Variants in KRT74 observed in about 807,000 individuals in gnomAD.
The protein encoded by KRT74 is keratin, type II cytoskeletal 74.
KRT74 carries 43 observed loss-of-function variants against 42.7 expected under a neutral mutation model. The ratio of observed to expected loss-of-function variants is 1.01; its 90% confidence interval spans 0.79 to 1.30. The LOEUF is 1.30. Ranked by LOEUF, KRT74 falls within the 50% of genes most tolerant of loss-of-function variation. The pLI, the probability that KRT74 is intolerant of heterozygous loss-of-function variation, is 0.00. For missense variants in KRT74, 736 were observed against 689.1 expected (o/e 1.07, Z -0.76); for synonymous variants, 302 against 279.0 (o/e 1.08, Z -0.82).
chr12:52,573,183 G>A (rs2120656296), intron 1 of KRT74, 124 bp downstream of exon 1: 1 of 921,148 alleles, frequency 1.1e-6, no homozygotes, highest in Non-Finnish European at 1.8e-6. Context: ...TTCCCTAATG[G>A]TGAGGAAGCC....
rs766704206 is a variant in KRT74, at chr12:52,573,576, C to T, written c.202G>A (p.Val68Ile). The T allele has an allele frequency of 4.4e-5, 71 of 1,613,972 alleles. No homozygotes were observed. The highest frequency in any genetic ancestry group is 5.1e-5 in the Non-Finnish European group (60 of 1,180,050). ...RISFNVAGGG[V>I]RAGGYGFRPG... Reference sequence around the variant, plus strand: ...CTGAAGCCGTAACCTCCAGCCCGAACGCCGCCACCAGCCACATTGAAAGAA... The same window carrying T: ...CTGAAGCCGTAACCTCCAGCCCGAATGCCGCCACCAGCCACATTGAAAGAA... The change falls in exon 1 of 9, where the codon GTT (valine) becomes ATT (isoleucine). Residue 68 changes from valine (V) to isoleucine (I), a missense_variant. By Grantham distance (29) the Val-to-Ile change is conservative. Transcript: ENST00000305620.
intron 1 of KRT74, 29 bp downstream of exon 1, chr12:52,573,278 C>A: frequency 6.3e-7 from 1 of 1,589,370 alleles, no homozygotes; most frequent in Non-Finnish European, 8.6e-7. Context: ...CCTCAGGGTG[C>A]GGCCTCATCC....
chr12:52,565,862 G>A lies in KRT74; in HGVS notation c.*1107C>T, dbSNP rs1268564700. 6.6e-6 allele frequency: 1 copy of A among 152,200 alleles called. No individual in the cohort carries two copies. Among genetic ancestry groups the A allele is most frequent in the Non-Finnish European group, 1.5e-5 (1 of 68,044 alleles). 9.4% of individuals were successfully genotyped at this position (152,200 alleles called of 1,614,324 possible). A position where few individuals can be genotyped will look rare whatever the true frequency, so the allele number is the denominator to read the frequency against. ...TTTAATTCAAACAAAAGAGGAAATA[G>A]ATGCTGCCATTCTTAGGAATATTTA... On this transcript the variant is annotated 3_prime_UTR_variant, in exon 9 of 9. Transcript: ENST00000305620.
At chr12:52,571,801 G>A (rs751669322) in intron 3 of KRT74, 143 bp downstream of exon 3, 2 of 765,268 alleles carry the variant, frequency 2.6e-6, no homozygotes, top group South Asian at 1.4e-5. Flanking sequence ...CTGGAGGCCA[G>A]GACTATGACT....
Position 52,571,944 on chromosome 12 carries a change from C to A in KRT74, c.747G>T (p.Lys249Asn), listed in dbSNP as rs781081640. 3.2e-6 allele frequency: 5 copies of A among 1,571,158 alleles called. No individual in the cohort carries two copies. The Admixed American group carries it at 8.3e-5, about 26-fold the overall frequency. Reference protein sequence around the residue: ...TAENEFVVLKKDADAAYAVKV... With the variant: ...TAENEFVVLKNDADAAYAVKV... ...ATAAGGAGGCTCCTCCCTCTCTTAC[C>A]TTCTTAAGCACCACAAACTCATTCT... is the stretch of plus-strand genomic sequence containing the variant. Residue 249 changes from lysine (K) to asparagine (N), a missense_variant and splice_region_variant, in exon 3 of 9, where the codon AAG becomes AAT. By Grantham distance (94) the Lys-to-Asn change is moderately conservative. Transcript: ENST00000305620.
chr12:52,567,801 C>A, intron 7 of KRT74, 108 bp from the exon 8 acceptor site: 3 of 842,554 alleles, frequency 3.6e-6, no homozygotes, highest in African/African-American at 1.7e-5. Flanking sequence ...ATCCTTATAA[C>A]AACTTACGAA....
chr12:52,569,682 G>A (rs532178786), intron 6 of KRT74, among the ~76,000 whole-genome samples, 177 bp downstream of exon 6: 5 of 152,330 alleles, frequency 3.3e-5, no homozygotes, highest in South Asian at 4.1e-4. Context: ...AGTTCTGGGC[G>A]GGGTACCAGC....
intron 6 of KRT74, among the ~76,000 whole-genome samples, chr12:52,568,956 T>G (rs751434617): frequency 5.3e-5 from 8 of 152,206 alleles, no homozygotes; most frequent in Non-Finnish European, 8.8e-5. Flanking sequence ...TGGACTCTGA[T>G]GAACATCTGG....
chr12:52,573,308 T>C lies in KRT74; in HGVS notation c.470A>G (p.Lys157Arg). 6.2e-7 allele frequency: 1 copy of C among 1,614,054 alleles called. No individual in the cohort carries two copies. The change falls in exon 1 of 9, where the codon AAG (lysine) becomes AGG (arginine). Residue 157 changes from lysine (K) to arginine (R), a missense_variant and splice_region_variant. Coordinates refer to ENST00000305620, the MANE Select transcript of KRT74 (RefSeq NM_175053.4). Reference sequence around the variant, plus strand: ...TCATCCTCCTCCTATGAGACCCACCTTGTCAATGAAGGAGGCGAACTTGTC... The same window carrying C: ...TCATCCTCCTCCTATGAGACCCACCCTGTCAATGAAGGAGGCGAACTTGTC... ...LNDKFASFID[K>R]VRFLEQQNQV...
chr12:52,567,603 C>A, intron 8 of KRT74, 56 bp downstream of exon 8: 1 of 1,325,514 alleles, frequency 7.5e-7, no homozygotes. Context: ...GGTGACATCA[C>A]TTTGTCCCAG....
Position 52,570,711 on chromosome 12 carries a change from G to A in KRT74, c.966C>T (p.Ala322=), listed in dbSNP as rs750644068. 6 of 1,614,248 alleles carry A rather than the reference G, an allele frequency of 3.7e-6. No homozygotes were observed. The highest frequency in any genetic ancestry group is 1.3e-5 in the African/African-American group (1 of 75,080). ...CCTCGGCCTCGGCCTTGCTCTTCAG[G>A]GCGATCTCCTCATAATGCATGCGGA... ...AEVRMHYEEI[A]LKSKAEAEAL... Residue 322 remains alanine (A), a synonymous_variant, in exon 5 of 9, where the codon GCC becomes GCT. Coordinates refer to ENST00000305620, the MANE Select transcript of KRT74 (RefSeq NM_175053.4).
chr12:52,572,981 C>G (rs1010140141), intron 1 of KRT74, among the ~76,000 whole-genome samples: 6 of 152,168 alleles, frequency 3.9e-5, no homozygotes, highest in African/African-American at 9.7e-5. Flanking sequence ...GAGCCCTTCC[C>G]TCTGAACACT....
intron 8 of KRT74, among the ~76,000 whole-genome samples, 195 bp from the exon 9 acceptor site, chr12:52,567,363 C>A (rs1434084698): frequency 1.3e-5 from 2 of 152,098 alleles, no homozygotes; most frequent in Non-Finnish European, 2.9e-5. Flanking sequence ...GAGGTGAAGA[C>A]CCCATCAGAT....
At chr12:52,572,118 A>G in intron 2 of KRT74, 114 bp from the exon 3 acceptor site, 1 of 831,766 alleles carries the variant, frequency 1.2e-6, no homozygotes, top group Non-Finnish European at 2.1e-6. Context: ...TGGGGTGAGC[A>G]GTAAGAGGCT....
chr12:52,570,828 G>A lies in KRT74; in HGVS notation c.849C>T (p.Ile283=), dbSNP rs556767276. The A allele has an allele frequency of 1.1e-5, 17 of 1,614,224 alleles. No homozygotes were observed. The African/African-American group carries it at 1.2e-4, about 11-fold the overall frequency. The part of the protein sequence containing the change: ...KFLKCLYDAE[I]AQIQTHASET... ...CACTGGCGTGAGTCTGGATCTGAGC[G>A]ATCTCCTGCATTGAGAGAGGAAGAC... Residue 283 remains isoleucine (I), a synonymous_variant, in exon 5 of 9, where the codon ATC becomes ATT. Coordinates refer to ENST00000305620, the MANE Select transcript of KRT74 (RefSeq NM_175053.4).
intron 4 of KRT74, 130 bp from the exon 5 acceptor site, chr12:52,570,963 G>A: frequency 1.1e-5 from 12 of 1,052,026 alleles, no homozygotes; most frequent in Non-Finnish European, 1.7e-5. Context: ...GGGGGAAGAA[G>A]TGCCCTCTGG....
Position 52,570,732 on chromosome 12 carries a change from G to A in KRT74, c.945C>T (p.Arg315=), listed in dbSNP as rs1939465140. 6.2e-7 allele frequency: 1 copy of A among 1,614,218 alleles called. No individual in the cohort carries two copies. Among genetic ancestry groups the A allele is most frequent in the African/African-American group, 1.3e-5 (1 of 75,062 alleles). ...LDLDSIIAEV[R]MHYEEIALKS... Reference sequence around the variant, plus strand: ...TCAGGGCGATCTCCTCATAATGCATGCGGACCTCAGCGATGATGCTGTCAA... The same window carrying A: ...TCAGGGCGATCTCCTCATAATGCATACGGACCTCAGCGATGATGCTGTCAA... The change falls in exon 5 of 9, where the codon CGC becomes CGT. Residue 315 remains arginine, a synonymous_variant. Coordinates refer to ENST00000305620, the MANE Select transcript of KRT74 (RefSeq NM_175053.4).
rs745368929 is a variant in KRT74, at chr12:52,573,278, C to T, written c.471+29G>A. On this transcript the variant is annotated intron_variant, in intron 1 of 8. Transcript: ENST00000305620. Reference sequence around the variant, plus strand: ...GGAAAACTGCTCAGGCCTCAGGGTGCGGCCTCATCCTCCTCCTATGAGACC... The same window carrying T: ...GGAAAACTGCTCAGGCCTCAGGGTGTGGCCTCATCCTCCTCCTATGAGACC... The T allele has an allele frequency of 5.6e-5, 89 of 1,589,362 alleles. No homozygotes were observed. In the South Asian group the frequency reaches 5.6e-4, roughly 10 times the overall value.
Position 52,571,391 on chromosome 12 carries a change from C to G in KRT74, c.811G>C (p.Glu271Gln), listed in dbSNP as rs779747627. The stretch of plus-strand genomic sequence containing the variant: ...TACAGACACTTGAGGAACTTGATTT[C>G]TTTGTCCAGTGAGTCCACTTTGGCC... ...LQAKVDSLDK[E>Q]IKFLKCLYDA... is the part of the protein sequence containing the mutation. The change falls in exon 4 of 9, where the codon GAA becomes CAA. Residue 271 changes from glutamate (E) to glutamine (Q), a missense_variant. Physicochemically the swap from Glu to Gln is conservative, Grantham distance 29. Transcript: ENST00000305620. 6.2e-7 allele frequency: 1 copy of G among 1,613,618 alleles called. No homozygotes were observed. Among genetic ancestry groups the G allele is most frequent in the South Asian group, 1.1e-5 (1 of 91,072 alleles).
Sources: allele counts gnomAD v4.1 joint callset (sites outside exome capture counted in the v4.1 genomes callset), GRCh38; gene constraint gnomAD v4.1.1; transcripts MANE v1.5; gene names NCBI Gene and HGNC (gene_info 2026-07-23, HGNC 2026-07-21).